Variants in COX7B2 observed in about 807,000 individuals in gnomAD.
The protein encoded by COX7B2 is cytochrome c oxidase subunit 7B2, mitochondrial.
For synonymous variants in COX7B2, 37 were observed against 32.1 expected (o/e 1.15, Z -0.51); for missense variants, 109 against 95.9 (o/e 1.14, Z -0.57).
intron 1 of COX7B2, among the ~76,000 whole-genome samples, chr4:46,895,676 G>T (rs967126663): frequency 1.3e-5 from 2 of 152,006 alleles, no homozygotes; most frequent in African/African-American, 2.4e-5. Flanking sequence ...AAGTTAATTA[G>T]AAATTATTTG....
intron 2 of COX7B2, among the ~76,000 whole-genome samples, chr4:46,810,363 G>T (rs1227064108): frequency 1.3e-5 from 2 of 151,654 alleles, no homozygotes; most frequent in African/African-American, 4.8e-5. Flanking sequence ...TTTCTCTCTT[G>T]TCATCTACCT....
chr4:46,748,820 T>C (rs1015300396), intron 2 of COX7B2, among the ~76,000 whole-genome samples: 2 of 152,288 alleles, frequency 1.3e-5, no homozygotes, highest in Non-Finnish European at 2.9e-5. Context: ...GGTTCACTCA[T>C]AGGTTCTCAT....
At chr4:46,831,989 T>C (rs1715146525) in intron 2 of COX7B2, among the ~76,000 whole-genome samples, 1 of 152,076 alleles carries the variant, frequency 6.6e-6, no homozygotes, top group Admixed American at 6.5e-5. Context: ...GAATGGTAAA[T>C]GCACCAATCA....
chr4:46,831,978 G>A (rs1336192844), intron 2 of COX7B2, among the ~76,000 whole-genome samples: 2 of 151,946 alleles, frequency 1.3e-5, no homozygotes, highest in Non-Finnish European at 2.9e-5. Flanking sequence ...GTCTAGCTCA[G>A]GAATGGTAAA....
intron 1 of COX7B2, among the ~76,000 whole-genome samples, chr4:46,874,765 T>C (rs1577683930): frequency 6.6e-6 from 1 of 152,298 alleles, no homozygotes; most frequent in African/African-American, 2.4e-5. Flanking sequence ...GCAAACTGGG[T>C]AGATGTTTTC....
chr4:46,857,215 C>A (rs1444995880), intron 1 of COX7B2, among the ~76,000 whole-genome samples: 1 of 152,108 alleles, frequency 6.6e-6, no homozygotes, highest in Admixed American at 6.6e-5. Context: ...CCTTTCTATA[C>A]CTCAAAGTTC....
At chr4:46,853,732 T>A (rs1057460043) in intron 1 of COX7B2, among the ~76,000 whole-genome samples, 1 of 152,116 alleles carries the variant, frequency 6.6e-6, no homozygotes, top group African/African-American at 2.4e-5. Context: ...ATTAAGTGAA[T>A]ATATAAAATA....
intron 2 of COX7B2, among the ~76,000 whole-genome samples, chr4:46,820,396 T>TG (rs1714187962): frequency 1.3e-5 from 2 of 152,128 alleles, no homozygotes; most frequent in Non-Finnish European, 2.9e-5. Flanking sequence ...TAAATATAGA[T>TG]GAAGCCTCAC....
chr4:46,871,753 A>G (rs1718005726), intron 1 of COX7B2, among the ~76,000 whole-genome samples: 1 of 152,170 alleles, frequency 6.6e-6, no homozygotes, highest in African/African-American at 2.4e-5. Flanking sequence ...ACTTATCATT[A>G]GAAAAATGCC....
intron 2 of COX7B2, among the ~76,000 whole-genome samples, chr4:46,820,224 G>A (rs1260918009): frequency 1.3e-5 from 2 of 152,080 alleles, no homozygotes; most frequent in African/African-American, 2.4e-5. Context: ...GGGGGAGATC[G>A]GAAACAGTGA....
intron 1 of COX7B2, among the ~76,000 whole-genome samples, chr4:46,889,608 A>G (rs1462817097): frequency 2.6e-5 from 4 of 152,232 alleles, no homozygotes; most frequent in Non-Finnish European, 5.9e-5. Flanking sequence ...GGACAAGTAC[A>G]CATTCAATCA....
In COX7B2 at chr4:46,786,380, G is replaced by T. The variant is rs534565500; in HGVS notation, c.-49-51139C>A. Among the ~76,000 whole-genome samples, 5 of 152,178 alleles carry T rather than the reference G, an allele frequency of 3.3e-5. No individual in the cohort carries two copies. In the East Asian group the frequency reaches 7.7e-4, roughly 24 times the overall value. The stretch of plus-strand genomic sequence containing the variant: ...TGTTGAACACTAATGTTGATTCCTG[G>T]TTTTTGCTGTTGTTGTTGTTTTTGT... On this transcript the variant is annotated intron_variant, in intron 2 of 2. Coordinates refer to ENST00000355591, the MANE Select transcript of COX7B2 (RefSeq NM_130902.3).
chr4:46,780,274 T>A (rs1717375801), intron 2 of COX7B2, among the ~76,000 whole-genome samples: 1 of 152,090 alleles, frequency 6.6e-6, no homozygotes, highest in Non-Finnish European at 1.5e-5. Context: ...CCCCAGCACT[T>A]TGGGAGGCCG....
intron 2 of COX7B2, among the ~76,000 whole-genome samples, chr4:46,819,341 G>A (rs879920239): frequency 2.0e-5 from 3 of 152,086 alleles, no homozygotes; most frequent in East Asian, 3.9e-4. Context: ...GAGGCAGAGC[G>A]GCAAACTAAC....
chr4:46,842,491 G>A (rs2109758185), intron 2 of COX7B2, among the ~76,000 whole-genome samples: 1 of 152,002 alleles, frequency 6.6e-6, no homozygotes, highest in African/African-American at 2.4e-5. Context: ...ATGCTGATGT[G>A]CTGCACCCAT....
intron 1 of COX7B2, among the ~76,000 whole-genome samples, chr4:46,903,142 A>G (rs1303062041): frequency 1.3e-5 from 2 of 152,192 alleles, no homozygotes; most frequent in African/African-American, 4.8e-5. Flanking sequence ...AAACTAAATC[A>G]CCTTGGAAAT....
intron 2 of COX7B2, among the ~76,000 whole-genome samples, chr4:46,761,135 G>A (rs1716121586): frequency 1.3e-5 from 2 of 152,130 alleles, no homozygotes; most frequent in Non-Finnish European, 2.9e-5. Context: ...CATTCTCTTG[G>A]TAGGACCTGA....
intron 2 of COX7B2, among the ~76,000 whole-genome samples, chr4:46,788,706 T>C (rs895906946): frequency 2.6e-5 from 4 of 152,148 alleles, no homozygotes; most frequent in Non-Finnish European, 4.4e-5. Flanking sequence ...AGACACAAAA[T>C]GAGGATAATG....
intron 2 of COX7B2, among the ~76,000 whole-genome samples, chr4:46,809,224 T>C (rs922824338): frequency 2.0e-5 from 3 of 151,838 alleles, no homozygotes; most frequent in Non-Finnish European, 4.4e-5. Flanking sequence ...ACAACTCTTT[T>C]TTCTTCAGAA....
Sources: gnomAD v4.1 joint callset for allele counts (sites outside exome capture counted in the v4.1 genomes callset) on GRCh38, gnomAD v4.1.1 for gene constraint, MANE v1.5 for transcripts, NCBI Gene and HGNC (gene_info 2026-07-23, HGNC 2026-07-21) for gene names.